The following CLUL1 variants were observed in gnomAD, a reference collection of about 807,000 sequenced individuals.
CLUL1 encodes the protein clusterin-like protein 1.
Under a neutral mutation model 49.4 loss-of-function variants are expected in CLUL1, and 43 were observed. That is an observed-to-expected ratio of 0.87 (90% CI 0.68 to 1.12). The LOEUF is 1.12. Among genes scored for constraint, CLUL1 ranks in the 50% most tolerant of loss-of-function variants. The pLI, the probability that CLUL1 is intolerant of heterozygous loss-of-function variation, is 0.00. For synonymous variants in CLUL1, 192 were observed against 184.9 expected (o/e 1.04, Z -0.31); for missense variants, 486 against 544.4 (o/e 0.89, Z 1.07).
At chr18:620,156 C>T (rs1008744194) in intron 4 of CLUL1, among the ~76,000 whole-genome samples, 3 of 152,194 alleles carry the variant, frequency 2.0e-5, no homozygotes, top group African/African-American at 7.2e-5. Context: ...AGGTGAGATT[C>T]ATCATTAGCG....
chr18:602,374 G>C (rs2072857883), intron 1 of CLUL1, among the ~76,000 whole-genome samples: 1 of 152,086 alleles, frequency 6.6e-6, no homozygotes, highest in African/African-American at 2.4e-5. Context: ...AAGGGGGGCT[G>C]GATCACTGTG....
At chr18:598,356 C>G (rs2143901983) in intron 1 of CLUL1, 2 of 390,838 alleles carry the variant, frequency 5.1e-6, no homozygotes, top group Admixed American at 4.4e-5. Flanking sequence ...GTCCCTCAAA[C>G]AGTGAGATGT....
intron 5 of CLUL1, among the ~76,000 whole-genome samples, 166 bp from the exon 6 acceptor site, chr18:626,931 G>A (rs1376310184): frequency 0.18 from 223 of 1,262 alleles, 68 homozygotes; most frequent in South Asian, 0.83. Flanking sequence ...AAGAAAGAAG[G>A]AAAGAAGGAA....
rs571705047 is a variant in CLUL1 at position 602,521 on chromosome 18, A to G, written c.-135-4457A>G. ...TCTCACTGGGTTCCTGTATCCAATA[A>G]CAGACTCCCTTAACTGCCCACTTCT... On this transcript the variant is annotated intron_variant, in intron 1 of 9. Coordinates refer to ENST00000692774, the MANE Select transcript of CLUL1 (RefSeq NM_001393344.1). Among the ~76,000 whole-genome samples, 3 of 152,298 alleles carry G rather than the reference A, an allele frequency of 2.0e-5. No homozygotes were observed. The South Asian group carries it at 6.2e-4, about 32-fold the overall frequency.
intron 4 of CLUL1, among the ~76,000 whole-genome samples, chr18:622,732 A>T (rs2073531001): frequency 6.6e-6 from 1 of 152,240 alleles, no homozygotes; most frequent in South Asian, 2.1e-4. Context: ...TGGACTAGTT[A>T]TAATAACAGA....
intron 1 of CLUL1, among the ~76,000 whole-genome samples, chr18:604,169 C>T (rs2072907654): frequency 6.6e-6 from 1 of 152,244 alleles, no homozygotes; most frequent in African/African-American, 2.4e-5. Flanking sequence ...GCATGAGCCA[C>T]CACCTCCACC....
intron 4 of CLUL1, among the ~76,000 whole-genome samples, chr18:623,093 C>T (rs2073550818): frequency 6.7e-6 from 1 of 149,238 alleles, no homozygotes; most frequent in Admixed American, 6.7e-5. Flanking sequence ...AGGACAATGG[C>T]ACGATCTTGG....
intron 9 of CLUL1, among the ~76,000 whole-genome samples, chr18:648,558 GTTA>G (rs1567981626): frequency 6.6e-6 from 1 of 151,756 alleles, no homozygotes; most frequent in East Asian, 1.9e-4. Context: ...TTGTTTAGAG[GTTA>G]TTAACATCTT....
At position 642,431 on chromosome 18, in the gene CLUL1, C is replaced by CA. The variant is rs533745301; in HGVS notation, c.1209+898dup. ...TGGGCGACAGAAGGAGACTCTGTCT[C>CA]AAAAAAAACAAAAATAAAAACATAT... is the stretch of plus-strand genomic sequence containing the variant. On this transcript the variant is annotated intron_variant, in intron 8 of 9. Coordinates refer to ENST00000692774, the MANE Select transcript of CLUL1 (RefSeq NM_001393344.1). 3.9e-4 allele frequency among the ~76,000 whole-genome samples: 59 copies of CA among 151,456 alleles called. No homozygotes were observed. In the South Asian group the frequency reaches 4.0e-3, roughly 10 times the overall value.
At chr18:598,317 A>G (rs1051952315) in intron 1 of CLUL1, 17 of 380,308 alleles carry the variant, frequency 4.5e-5, no homozygotes, top group Admixed American at 2.3e-4. Flanking sequence ...CGTGACCTTG[A>G]AGAAAGTCAC....
chr18:622,468 A>C (rs1372327986), intron 4 of CLUL1, among the ~76,000 whole-genome samples: 1 of 152,158 alleles, frequency 6.6e-6, no homozygotes, highest in East Asian at 1.9e-4. Flanking sequence ...ATGCCAGGTT[A>C]ATATAGCGCT....
At chr18:627,665 A>G in intron 6 of CLUL1, 136 bp downstream of exon 6, 1 of 640,844 alleles carries the variant, frequency 1.6e-6, no homozygotes, top group Non-Finnish European at 2.6e-6. Flanking sequence ...AATGTTTCAG[A>G]GCCTCTTAAA....
rs2073365377 is a variant in CLUL1, at chr18:618,182, G to C, written c.106+76G>C. 1 of 1,080,648 alleles carries C rather than the reference G, an allele frequency of 9.3e-7. No homozygotes were observed. The highest frequency in any genetic ancestry group is 1.5e-5 in the African/African-American group (1 of 64,904). 66.9% of individuals were successfully genotyped at this position (1,080,648 alleles called of 1,614,324 possible). Reference sequence around the variant, plus strand: ...CTGCTGGCGTTTATAGTGAGTCGCAGTTGAGAGATAACCATATTCGCTGTT... The same window carrying C: ...CTGCTGGCGTTTATAGTGAGTCGCACTTGAGAGATAACCATATTCGCTGTT... On this transcript the variant is annotated intron_variant, in intron 3 of 9. Coordinates refer to ENST00000692774, the MANE Select transcript of CLUL1 (RefSeq NM_001393344.1). The surrounding 1 kb of genome is among the most constrained non-coding windows in gnomAD (Gnocchi z 4.2).
At chr18:645,810 A>ATATATATATATAT (rs1555636568) in intron 9 of CLUL1, among the ~76,000 whole-genome samples, 1 of 29,870 alleles carries the variant, frequency 3.3e-5, no homozygotes. Context: ...AAAAAAAAAA[A>ATATATATATATAT]ATATATATAT....
intron 2 of CLUL1, among the ~76,000 whole-genome samples, chr18:612,342 CT>C (rs1303642105): frequency 1.8e-4 from 27 of 152,228 alleles, no homozygotes; most frequent in African/African-American, 4.8e-5. Context: ...TCACTGCACT[CT>C]GCCACACTTG....
chr18:599,355 AT>A (rs2072753670), intron 1 of CLUL1, among the ~76,000 whole-genome samples: 1 of 152,192 alleles, frequency 6.6e-6, no homozygotes, highest in African/African-American at 2.4e-5. Flanking sequence ...ATGAAACAGG[AT>A]TGGTAATACT....
At chr18:613,535 A>G (rs1598414493) in intron 2 of CLUL1, among the ~76,000 whole-genome samples, 1 of 150,018 alleles carries the variant, frequency 6.7e-6, no homozygotes, top group African/African-American at 2.5e-5. Context: ...GCTCACAGAA[A>G]CCTCCGCCTC....
chr18:609,330 C>T (rs879797162), intron 2 of CLUL1, among the ~76,000 whole-genome samples: 2 of 152,166 alleles, frequency 1.3e-5, no homozygotes, highest in Admixed American at 6.5e-5. Flanking sequence ...CACTTATTCA[C>T]ACAAGAGCAC....
Position 641,535 on chromosome 18 carries a change from A to C in CLUL1, c.1203A>C (p.Ser401=), listed in dbSNP as rs1396528187. The C allele has an allele frequency of 3.1e-6, 5 of 1,613,714 alleles. No homozygotes were observed. In the Admixed American group the frequency reaches 8.3e-5, roughly 27 times the overall value. The change falls in exon 8 of 10, where the codon TCA becomes TCC. Residue 401 remains serine (S), a synonymous_variant. Transcript: ENST00000692774. ...QAPETEIIFN[S]IQVVPRIHEG... ...CAGAAACAGAGATCATCTTTAATTC[A>C]ATACAGGTAAAGGAGAGACCCAAGA...
Sources: gnomAD v4.1 joint callset for allele counts (sites outside exome capture counted in the v4.1 genomes callset) on GRCh38, gnomAD v4.1.1 for gene constraint, Gnocchi (gnomAD v3.1) non-coding constraint, MANE v1.5 for transcripts, NCBI Gene and HGNC (gene_info 2026-07-23, HGNC 2026-07-21) for gene names.